Variants in AGBL1 observed in about 807,000 individuals in gnomAD.
AGBL1 encodes the protein AGBL carboxypeptidase 1, also known as cytosolic carboxypeptidase 4.
In AGBL1, 130 loss-of-function variants were observed where a neutral mutation model predicts 118.9. The ratio of observed to expected loss-of-function variants is 1.09; its 90% CI spans 0.95 to 1.26. The LOEUF (loss-of-function observed/expected upper bound fraction) is 1.26. AGBL1 is among the 50% of genes most tolerant of loss of function. AGBL1 has a pLI of 0.00. For synonymous variants in AGBL1, 555 were observed against 478.9 expected, an observed-to-expected ratio of 1.16 and a Z score of -2.08; for missense variants, 1,584 against 1,298.1, an observed-to-expected ratio of 1.22 and a Z score of -3.38.
At chr15:86,295,156 A>T (rs555298192) in intron 16 of AGBL1, 99 bp from the exon 17 acceptor site, 3 of 1,406,156 alleles carry the variant, frequency 2.1e-6, no homozygotes, top group Admixed American at 2.0e-5. Context: ...TTAGATTAAC[A>T]ACAATACTTC....
intron 1 of AGBL1, chr15:86,088,169 A>C (rs1895788625): frequency 6.6e-6 from 1 of 152,288 alleles, no homozygotes; most frequent in African/African-American, 2.4e-5. Flanking sequence ...TTTGGCCCAC[A>C]GGCCATAGTT....
At chr15:86,487,443 A>G (rs186411951) in intron 18 of AGBL1, among the ~76,000 whole-genome samples, 7 of 152,148 alleles carry the variant, frequency 4.6e-5, no homozygotes, top group African/African-American at 1.7e-4. Flanking sequence ...GGTATTATTG[A>G]CTCATCAGGA....
intron 18 of AGBL1, among the ~76,000 whole-genome samples, chr15:86,516,728 G>A (rs975892550): frequency 1.8e-4 from 27 of 150,946 alleles, no homozygotes; most frequent in Admixed American, 1.7e-3. Context: ...TTGAACCCAG[G>A]AGGCGGAGGT....
chr15:86,527,565 A>G (rs2083283526), intron 19 of AGBL1, among the ~76,000 whole-genome samples: 1 of 152,126 alleles, frequency 6.6e-6, no homozygotes, highest in Non-Finnish European at 1.5e-5. Context: ...AAGCGCTGCC[A>G]CTCACTCAGC....
At chr15:86,973,361 G>A (rs899984798) in intron 23 of AGBL1, among the ~76,000 whole-genome samples, 1 of 151,990 alleles carries the variant, frequency 6.6e-6, no homozygotes, top group African/African-American at 2.4e-5. Flanking sequence ...GAAGCTTCTT[G>A]ATGGTGAGAA....
chr15:86,694,840 T>C (rs1368840305), intron 22 of AGBL1, among the ~76,000 whole-genome samples: 2 of 152,152 alleles, frequency 1.3e-5, no homozygotes, highest in Non-Finnish European at 2.9e-5. Flanking sequence ...TTTCTGCATC[T>C]ATTGAGATGA....
chr15:86,778,984 A>T (rs140403768), intron 22 of AGBL1, among the ~76,000 whole-genome samples: 4,677 of 152,312 alleles, frequency 0.031, 130 homozygotes, highest in Middle Eastern at 0.088. Context: ...TTCACAATTT[A>T]TGTTCTTCTG....
intron 23 of AGBL1, among the ~76,000 whole-genome samples, chr15:86,966,174 C>T (rs1270569614): frequency 6.6e-6 from 1 of 151,708 alleles, no homozygotes; most frequent in African/African-American, 2.4e-5. Context: ...GTATCAGGGA[C>T]TCTGTAGTAT....
chr15:86,831,435 G>A (rs1484676469), intron 22 of AGBL1, among the ~76,000 whole-genome samples: 2 of 152,198 alleles, frequency 1.3e-5, no homozygotes, highest in South Asian at 2.1e-4. Context: ...AAGCAAGTTA[G>A]TTACTTCCTA....
intron 23 of AGBL1, among the ~76,000 whole-genome samples, chr15:86,985,036 T>G (rs935761013): frequency 2.0e-5 from 3 of 152,230 alleles, no homozygotes; most frequent in Non-Finnish European, 2.9e-5. Context: ...GATTCATTCA[T>G]GGAGATCCAT....
At chr15:86,585,612 T>C (rs1228352332) in intron 21 of AGBL1, among the ~76,000 whole-genome samples, 1 of 152,176 alleles carries the variant, frequency 6.6e-6, no homozygotes, top group Middle Eastern at 3.2e-3. Flanking sequence ...GCAATCCTCC[T>C]GCCTCAGCCT....
At chr15:86,178,954 G>C (rs935457092) in intron 5 of AGBL1, among the ~76,000 whole-genome samples, 2 of 152,182 alleles carry the variant, frequency 1.3e-5, no homozygotes, top group African/African-American at 2.4e-5. Flanking sequence ...AATTGACATG[G>C]GGCCAAAGGC....
At chr15:86,300,275 T>C (rs753023249) in intron 17 of AGBL1, among the ~76,000 whole-genome samples, 4 of 152,152 alleles carry the variant, frequency 2.6e-5, no homozygotes, top group African/African-American at 7.2e-5. Context: ...TAAATGACCA[T>C]TTTAGCCTGG....
chr15:86,684,626 C>A (rs1223304694), intron 22 of AGBL1, among the ~76,000 whole-genome samples: 3 of 151,980 alleles, frequency 2.0e-5, no homozygotes, highest in African/African-American at 7.2e-5. Context: ...TGACCCGTAG[C>A]ATAGTTTAGA....
At chr15:86,657,411 T>C (rs2085478460) in intron 21 of AGBL1, among the ~76,000 whole-genome samples, 1 of 152,178 alleles carries the variant, frequency 6.6e-6, no homozygotes, top group Non-Finnish European at 1.5e-5. Context: ...ACTGTCAATT[T>C]ATTTATACCC....
intron 22 of AGBL1, among the ~76,000 whole-genome samples, chr15:86,832,183 G>C (rs2079114093): frequency 6.6e-6 from 1 of 152,220 alleles, no homozygotes; most frequent in South Asian, 2.1e-4. Flanking sequence ...CCAGGTCTGT[G>C]ATGGAAAGGG....
Position 86,362,150 on chromosome 15 carries a change from T to A in AGBL1, c.2375-35216T>A, listed in dbSNP as rs537720502. 7.0e-3 allele frequency among the ~76,000 whole-genome samples: 1,066 copies of A among 152,294 alleles called. 9 individuals carry two copies. Among genetic ancestry groups the A allele is most frequent in the Non-Finnish European group, 0.01 (709 of 68,016 alleles). On this transcript the variant is annotated intron_variant, in intron 17 of 22. Transcript: ENST00000614907. ...AAATTATCTTACAGTTATAACACTA[T>A]TTTTAGCTGCTAATAACTTCAGTCA...
At chr15:86,758,187 A>G (rs2077969163) in intron 22 of AGBL1, among the ~76,000 whole-genome samples, 1 of 152,064 alleles carries the variant, frequency 6.6e-6, no homozygotes, top group African/African-American at 2.4e-5. Flanking sequence ...CACATGTGAT[A>G]CCATAAGACT....
chr15:86,236,912 CACACACGGG>C (rs1303866252), intron 6 of AGBL1, among the ~76,000 whole-genome samples: 1 of 62,856 alleles, frequency 1.6e-5, no homozygotes, highest in Non-Finnish European at 3.1e-5. Flanking sequence ...TGATGTTCCA[CACACACGGG>C]GATATGTGGG....
Sources: allele counts gnomAD v4.1 joint callset (sites outside exome capture counted in the v4.1 genomes callset), GRCh38; gene constraint gnomAD v4.1.1; transcripts MANE v1.5; gene names NCBI Gene and HGNC (gene_info 2026-07-23, HGNC 2026-07-21).